ABI3BP: variants seen among roughly 807,000 people sequenced by gnomAD.
ABI3BP encodes the protein target of Nesh-SH3.
In ABI3BP, 216 loss-of-function variants were observed where a neutral mutation model predicts 268.6. The ratio of observed to expected loss-of-function variants is 0.80; its 90% CI spans 0.72 to 0.90. The LOEUF is 0.90. Ranked by LOEUF, ABI3BP falls within the 40% of genes least tolerant of loss-of-function variation. The pLI, the probability that ABI3BP is intolerant of heterozygous loss-of-function variation, is 0.00. For synonymous variants in ABI3BP, 730 were observed against 730.0 expected, an observed-to-expected ratio of 1.00 and a Z score of 0.00; for missense variants, 2,090 against 2,182.4, an observed-to-expected ratio of 0.96 and a Z score of 0.84.
In ABI3BP at chr3:100,812,341, A is replaced by C. The variant is rs1322120273; in HGVS notation, c.3421+126T>G. On this transcript the variant is annotated intron_variant, in intron 46 of 67. Transcript: ENST00000471714. ...AATGACATTCAAGACCCACTGGATGAGCACAGACAAGCTGTGAGGAGCAAG... is the reference window on the plus strand; with the variant it reads ...AATGACATTCAAGACCCACTGGATGCGCACAGACAAGCTGTGAGGAGCAAG... The C allele has an allele frequency of 1.6e-5, 8 of 501,336 alleles. No individual in the cohort carries two copies. In the East Asian group the frequency reaches 2.4e-4, roughly 15 times the overall value. The allele number at this position is 501,336 out of a possible 1,614,324, so 31.1% of individuals were successfully genotyped here. A position where few individuals can be genotyped will look rare whatever the true frequency, so the allele number is the denominator to read the frequency against.
intron 2 of ABI3BP, among the ~76,000 whole-genome samples, chr3:100,923,255 G>A (rs2153626436): frequency 6.6e-6 from 1 of 152,218 alleles, no homozygotes; most frequent in Non-Finnish European, 1.5e-5. Flanking sequence ...CCTGATGACA[G>A]GACTTAGATT....
At chr3:100,896,602 T>A (rs374107333) in intron 4 of ABI3BP, among the ~76,000 whole-genome samples, 1 of 152,146 alleles carries the variant, frequency 6.6e-6, no homozygotes, top group African/African-American at 2.4e-5. Flanking sequence ...ACTACAAAAT[T>A]TCCTTTCTTC....
At chr3:100,822,452 T>A (rs1269930069) in intron 38 of ABI3BP, 137 bp downstream of exon 38, 1 of 654,836 alleles carries the variant, frequency 1.5e-6, no homozygotes, top group East Asian at 2.7e-5. Context: ...ATCTTCACAG[T>A]GGGATCTGCT....
At position 100,837,143 on chromosome 3, in the gene ABI3BP, T is replaced by C; in HGVS notation, c.2112A>G (p.Glu704=). Residue 704 remains glutamate (E), a synonymous_variant, in exon 27 of 68, where the codon GAA becomes GAG. Coordinates refer to ENST00000471714, the MANE Select transcript of ABI3BP (RefSeq NM_001375547.2). ...SVSEPVPFET[E]APSMTIVPTT... is the part of the protein sequence containing the mutation. ...CATTACCTATGGTCATTGAGGGAGCTTCAGTTTCAAATGGAACAGGCTCAG... is the reference window on the plus strand; with the variant it reads ...CATTACCTATGGTCATTGAGGGAGCCTCAGTTTCAAATGGAACAGGCTCAG... 6.5e-7 allele frequency: 1 copy of C among 1,534,814 alleles called. No individual in the cohort carries two copies. Among genetic ancestry groups the C allele is most frequent in the Non-Finnish European group, 8.7e-7 (1 of 1,146,234 alleles).
In ABI3BP at chr3:100,759,397, A is replaced by G. The variant is rs76199990; in HGVS notation, c.4851-4706T>C. ...CTGGATACCTGCCACATGTAAAGTT[A>G]TTATGCTGATCTGGGAACACAGATA... On this transcript the variant is annotated intron_variant, in intron 63 of 67. Transcript: ENST00000471714. 4.7e-3 allele frequency among the ~76,000 whole-genome samples: 722 copies of G among 152,292 alleles called. 3 individuals carry two copies. Among genetic ancestry groups the G allele is most frequent in the Non-Finnish European group, 8.4e-3 (572 of 68,008 alleles).
chr3:100,832,429 T>A (rs2098508910), intron 30 of ABI3BP, 79 bp from the exon 31 acceptor site: 1 of 1,310,466 alleles, frequency 7.6e-7, no homozygotes, highest in Non-Finnish European at 1.0e-6. Context: ...CTCTAAGTTT[T>A]AAAATACTTG....
At chr3:100,770,158 C>T (rs1404839731) in intron 62 of ABI3BP, among the ~76,000 whole-genome samples, 2 of 152,148 alleles carry the variant, frequency 1.3e-5, no homozygotes, top group Non-Finnish European at 2.9e-5. Context: ...ATCCTCCTCT[C>T]GTTTGACTAT....
intron 14 of ABI3BP, among the ~76,000 whole-genome samples, chr3:100,852,712 A>G (rs1409269000): frequency 6.6e-6 from 1 of 152,194 alleles, no homozygotes; most frequent in Non-Finnish European, 1.5e-5. Flanking sequence ...GTGCTTCTCC[A>G]TACAGCCATG....
chr3:100,895,742 C>T (rs183592037), intron 4 of ABI3BP, among the ~76,000 whole-genome samples: 4 of 152,294 alleles, frequency 2.6e-5, no homozygotes, highest in Admixed American at 2.6e-4. Flanking sequence ...GCTATTATTG[C>T]TTATGCTAAC....
chr3:100,971,870 T>C (rs1479192751), intron 1 of ABI3BP, among the ~76,000 whole-genome samples: 1 of 152,124 alleles, frequency 6.6e-6, no homozygotes, highest in Non-Finnish European at 1.5e-5. Flanking sequence ...TCATTAAAAA[T>C]ATATTTTAAA....
chr3:100,927,864 T>G (rs1352674701), intron 1 of ABI3BP, among the ~76,000 whole-genome samples: 2 of 152,052 alleles, frequency 1.3e-5, no homozygotes, highest in Non-Finnish European at 2.9e-5. Flanking sequence ...CCATAGTAAT[T>G]GCTCAACAAG....
chr3:100,812,438 C>G, intron 46 of ABI3BP, 29 bp downstream of exon 46: 1 of 1,290,296 alleles, frequency 7.8e-7, no homozygotes, highest in Non-Finnish European at 9.9e-7. Flanking sequence ...AGCACATATG[C>G]TTGACTTCCC....
chr3:100,899,573 A>G (rs2049241807), intron 3 of ABI3BP, among the ~76,000 whole-genome samples: 1 of 152,250 alleles, frequency 6.6e-6, no homozygotes, highest in East Asian at 1.9e-4. Context: ...AGTTATGCTA[A>G]TAAATCACTG....
chr3:100,811,994 T>C (rs1365265779), intron 46 of ABI3BP, among the ~76,000 whole-genome samples, 195 bp from the exon 47 acceptor site: 1 of 152,136 alleles, frequency 6.6e-6, no homozygotes, highest in Non-Finnish European at 1.5e-5. Flanking sequence ...ATGAAGGCAG[T>C]GTGCTATGTG....
intron 51 of ABI3BP, 126 bp from the exon 52 acceptor site, chr3:100,796,594 C>A: frequency 1.6e-6 from 1 of 609,860 alleles, no homozygotes; most frequent in Non-Finnish European, 2.6e-6. Flanking sequence ...TGGTTAATGA[C>A]CAAAGTTGAG....
intron 14 of ABI3BP, among the ~76,000 whole-genome samples, chr3:100,854,116 C>T (rs765518979): frequency 4.7e-5 from 7 of 150,060 alleles, no homozygotes; most frequent in Middle Eastern, 3.2e-3. Flanking sequence ...TTTGGGAGGC[C>T]GAGGCGGGTA....
In ABI3BP at chr3:100,957,274, G is replaced by A. The variant is rs146702853; in HGVS notation, c.80-30793C>T. On this transcript the variant is annotated intron_variant, in intron 1 of 67. Coordinates refer to ENST00000471714, the MANE Select transcript of ABI3BP (RefSeq NM_001375547.2). ...GATGAATCAAAAGAGAAATTTATGA[G>A]GAGCTACGGATGTCTCCAGTTTTAT... 3.1e-3 allele frequency among the ~76,000 whole-genome samples: 465 copies of A among 152,318 alleles called. 4 individuals are homozygous for A. Among genetic ancestry groups the A allele is most frequent in the African/African-American group, 0.011 (450 of 41,576 alleles).
Position 100,883,148 on chromosome 3 carries a change from T to C in ABI3BP, c.696+2388A>G, listed in dbSNP as rs574069908. On this transcript the variant is annotated intron_variant, in intron 6 of 67. Coordinates refer to ENST00000471714, the MANE Select transcript of ABI3BP (RefSeq NM_001375547.2). ...GCCTAATCAATATAGAACCTTACTA[T>C]ATACCATAGTTAAATAAAATTCACA... Among the ~76,000 whole-genome samples the C allele has an allele frequency of 3.9e-5, 6 of 152,234 alleles. No individual in the cohort carries two copies. In the South Asian group the frequency reaches 1.2e-3, roughly 32 times the overall value.
At chr3:100,980,130 T>A (rs1576285586) in intron 1 of ABI3BP, among the ~76,000 whole-genome samples, 1 of 152,226 alleles carries the variant, frequency 6.6e-6, no homozygotes. Context: ...TTATTATACA[T>A]TAGAGCAAAA....
Sources: gnomAD v4.1 joint callset for allele counts (sites outside exome capture counted in the v4.1 genomes callset) on GRCh38, gnomAD v4.1.1 for gene constraint, MANE v1.5 for transcripts, NCBI Gene and HGNC (gene_info 2026-07-23, HGNC 2026-07-21) for gene names.